MEMO1: variants seen among roughly 807,000 people sequenced by gnomAD.
MEMO1 encodes the protein mediator of cell motility 1, also known as protein MEMO1.
In MEMO1, 6 loss-of-function variants were observed where a neutral mutation model predicts 45.2. The observed-to-expected ratio is 0.13, with a 90% CI of 0.07 to 0.26. The LOEUF (loss-of-function observed/expected upper bound fraction) is 0.26. Ranked by LOEUF, MEMO1 falls within the 10% of genes least tolerant of loss-of-function variation. The pLI is 1.00. For synonymous variants in MEMO1, 78 were observed against 124.3 expected (o/e 0.63, Z 2.48); for missense variants, 184 against 370.5 (o/e 0.50, Z 4.13).
chr2:31,999,001 T>C (rs541922014), intron 2 of MEMO1, among the ~76,000 whole-genome samples: 3 of 152,294 alleles, frequency 2.0e-5, no homozygotes, highest in East Asian at 3.9e-4. Flanking sequence ...CTCAGTATAA[T>C]AGCAACTCCA....
intron 2 of MEMO1, among the ~76,000 whole-genome samples, chr2:31,983,724 G>A (rs1487478713): frequency 4.6e-5 from 7 of 152,174 alleles, no homozygotes; most frequent in African/African-American, 1.4e-4. Context: ...GTGAGCCACC[G>A]CGCCCGGCCC....
At chr2:31,914,477 T>C (rs939955596) in intron 6 of MEMO1, among the ~76,000 whole-genome samples, 2 of 152,126 alleles carry the variant, frequency 1.3e-5, no homozygotes, top group African/African-American at 2.4e-5. Flanking sequence ...CATTTTTAAG[T>C]AACTAAAAGA....
intron 6 of MEMO1, among the ~76,000 whole-genome samples, chr2:31,913,037 G>C (rs1680834110): frequency 6.6e-6 from 1 of 152,026 alleles, no homozygotes; most frequent in Non-Finnish European, 1.5e-5. Context: ...CCAGCACCTT[G>C]GGAGGCCAAG....
At chr2:31,872,888 T>C (rs750744866) in intron 8 of MEMO1, among the ~76,000 whole-genome samples, 4 of 152,110 alleles carry the variant, frequency 2.6e-5, no homozygotes, top group Non-Finnish European at 5.9e-5. Flanking sequence ...TCATGAAGTA[T>C]GCAAACAAAA....
chr2:31,873,353 C>T (rs1674068342), intron 8 of MEMO1, among the ~76,000 whole-genome samples: 1 of 152,004 alleles, frequency 6.6e-6, no homozygotes, highest in Admixed American at 6.6e-5. Context: ...GAAACAAATC[C>T]ACAAATTGAA....
chr2:31,979,094 G>C (rs544161264), intron 2 of MEMO1, among the ~76,000 whole-genome samples: 4 of 152,154 alleles, frequency 2.6e-5, no homozygotes, highest in Non-Finnish European at 5.9e-5. Flanking sequence ...GAAGGTGAGG[G>C]GGAAGCAAGG....
At chr2:31,958,839 TG>T (rs1667684954) in intron 2 of MEMO1, among the ~76,000 whole-genome samples, 1 of 152,100 alleles carries the variant, frequency 6.6e-6, no homozygotes, top group East Asian at 1.9e-4. Flanking sequence ...TTAGTAAAGA[TG>T]GGGTTTCACC....
intron 5 of MEMO1, among the ~76,000 whole-genome samples, chr2:31,920,170 C>T (rs778697327): frequency 2.0e-5 from 3 of 151,672 alleles, no homozygotes; most frequent in Non-Finnish European, 4.4e-5. Flanking sequence ...TACTCCCCCC[C>T]CCAAAAGAAA....
chr2:31,991,653 T>C (rs1233917161), intron 2 of MEMO1, among the ~76,000 whole-genome samples: 1 of 147,358 alleles, frequency 6.8e-6, no homozygotes, highest in Non-Finnish European at 1.5e-5. Context: ...AAGTGTAAAA[T>C]AATTCTAAGC....
intron 4 of MEMO1, among the ~76,000 whole-genome samples, chr2:31,924,221 T>G (rs1682749239): frequency 6.6e-6 from 1 of 152,108 alleles, no homozygotes. Flanking sequence ...CCTTGTTAGC[T>G]AAATGCTAAC....
chr2:31,875,847 C>A (rs545736547), intron 8 of MEMO1, among the ~76,000 whole-genome samples: 1 of 151,874 alleles, frequency 6.6e-6, no homozygotes, highest in Non-Finnish European at 1.5e-5. Context: ...CCACCATGCC[C>A]GACTAATTTT....
intron 6 of MEMO1, among the ~76,000 whole-genome samples, chr2:31,906,396 T>G (rs1306763052): frequency 6.6e-6 from 1 of 151,982 alleles, no homozygotes; most frequent in Non-Finnish European, 1.5e-5. Context: ...CAATCTTGGC[T>G]CACTGCAACC....
chr2:31,871,741 C>T (rs1427757755), intron 8 of MEMO1, among the ~76,000 whole-genome samples: 1 of 152,104 alleles, frequency 6.6e-6, no homozygotes, highest in African/African-American at 2.4e-5. Context: ...GGGCCAGGTA[C>T]AGTGGCTCAT....
intron 2 of MEMO1, among the ~76,000 whole-genome samples, chr2:31,955,059 G>A (rs918184307): frequency 1.3e-5 from 2 of 152,002 alleles, no homozygotes; most frequent in Admixed American, 1.3e-4. Flanking sequence ...TGGGCAACAT[G>A]GTGAAACCCC....
intron 3 of MEMO1, among the ~76,000 whole-genome samples, chr2:31,940,048 G>C (rs185438100): frequency 6.6e-6 from 1 of 151,752 alleles, no homozygotes. Flanking sequence ...TTTTTCCCCC[G>C]ACACATTTTT....
At chr2:31,910,698 A>G (rs559350883) in intron 6 of MEMO1, among the ~76,000 whole-genome samples, 1 of 152,212 alleles carries the variant, frequency 6.6e-6, no homozygotes, top group African/African-American at 2.4e-5. Context: ...TGTCTCTACA[A>G]AAAATTTAAA....
intron 2 of MEMO1, among the ~76,000 whole-genome samples, chr2:31,976,697 T>G (rs1284267264): frequency 6.6e-6 from 1 of 152,256 alleles, no homozygotes; most frequent in Admixed American, 6.5e-5. Flanking sequence ...CATAATTTTT[T>G]TGCTATTTTT....
In MEMO1 at chr2:31,891,854, A is replaced by C. The variant is rs551054854; in HGVS notation, c.580+138T>G. ...TAAAGGATCAAAAGATTTTTTATTCACTTTTAAACACTGCTGCCAGAAGTA... is the reference window on the plus strand; with the variant it reads ...TAAAGGATCAAAAGATTTTTTATTCCCTTTTAAACACTGCTGCCAGAAGTA... On this transcript the variant is annotated intron_variant, in intron 7 of 9. Coordinates refer to ENST00000404530, the MANE Select transcript of MEMO1 (RefSeq NM_001301833.4). 5.3e-4 allele frequency: 453 copies of C among 853,138 alleles called. 6 individuals are homozygous for C. The South Asian group carries it at 8.5e-3, about 16-fold the overall frequency. The allele number at this position is 853,138 out of a possible 1,614,324, so 52.8% of individuals were successfully genotyped here.
At chr2:31,893,757 G>A (rs556067081) in intron 6 of MEMO1, among the ~76,000 whole-genome samples, 9 of 152,136 alleles carry the variant, frequency 5.9e-5, no homozygotes, top group African/African-American at 9.6e-5. Context: ...AAGGTACTTC[G>A]TCACAAGAGT....
Sources: allele counts gnomAD v4.1 joint callset (sites outside exome capture counted in the v4.1 genomes callset), GRCh38; gene constraint gnomAD v4.1.1; transcripts MANE v1.5; gene names NCBI Gene and HGNC (gene_info 2026-07-23, HGNC 2026-07-21).